Variants in TAF2 observed in about 807,000 individuals in gnomAD.
The protein encoded by TAF2 is TATA-box binding protein associated factor 2.
TAF2 carries 61 observed loss-of-function variants against 138.5 expected under a neutral mutation model. The ratio of observed to expected loss-of-function variants is 0.44; its 90% CI spans 0.36 to 0.54. The LOEUF is 0.54. TAF2 is among the 20% of genes least tolerant of loss of function. The probability of loss-of-function intolerance (pLI) is 0.00; values close to 1 mark genes in which losing one functional copy is unlikely to be tolerated. For missense variants in TAF2, 1,090 were observed against 1,427.9 expected, an observed-to-expected ratio of 0.76 and a Z score of 3.81; for synonymous variants, 475 against 469.9, an observed-to-expected ratio of 1.01 and a Z score of -0.14.
At chr8:119,809,016 A>T (rs1426107892) in intron 3 of TAF2, among the ~76,000 whole-genome samples, 1 of 152,240 alleles carries the variant, frequency 6.6e-6, no homozygotes, top group Non-Finnish European at 1.5e-5. Flanking sequence ...CTAATAAAAG[A>T]GTCAGCCCGT....
chr8:119,792,408 C>A (rs1009751575), intron 10 of TAF2, among the ~76,000 whole-genome samples: 1 of 152,094 alleles, frequency 6.6e-6, no homozygotes, highest in Non-Finnish European at 1.5e-5. Context: ...TGCCCAGCGT[C>A]CCAAAGTGCT....
In TAF2 at chr8:119,795,518, C is replaced by T; in HGVS notation, c.1191+14G>A. On this transcript the variant is annotated intron_variant, in intron 9 of 25. Transcript: ENST00000378164. ...TAAGACTTGTAAGTGGATAAGGGAT[C>T]TAGCTGTTATTACCTCTTTAATCCA... 6.3e-7 allele frequency: 1 copy of T among 1,599,774 alleles called. No individual in the cohort carries two copies. Among genetic ancestry groups the T allele is most frequent in the East Asian group, 2.2e-5 (1 of 44,690 alleles).
At chr8:119,785,126 T>C (rs1822927636) in intron 15 of TAF2, 75 bp downstream of exon 15, 1 of 1,183,798 alleles carries the variant, frequency 8.4e-7, no homozygotes, top group Admixed American at 1.7e-5. Flanking sequence ...TATACACTTT[T>C]ACGTACGCAT....
At chr8:119,807,219 GC>G (rs1824721666) in intron 3 of TAF2, among the ~76,000 whole-genome samples, 1 of 152,168 alleles carries the variant, frequency 6.6e-6, no homozygotes, top group African/African-American at 2.4e-5. Context: ...AGAATTTTCA[GC>G]AGGCTCACCG....
intron 2 of TAF2, among the ~76,000 whole-genome samples, chr8:119,826,641 A>C (rs939595427): frequency 1.1e-4 from 16 of 150,532 alleles, no homozygotes; most frequent in African/African-American, 3.2e-4. Flanking sequence ...TCCAGGCTGG[A>C]GTGCAGCAGT....
At position 119,801,887 on chromosome 8, in the gene TAF2, A is replaced by T; in HGVS notation, c.699T>A (p.Thr233=). Residue 233 remains threonine (T), a synonymous_variant, in exon 6 of 26, where the codon ACT becomes ACA. Transcript: ENST00000378164. ...TVYTHDMRKK[T]FHYMLTIPTA... The stretch of plus-strand genomic sequence containing the variant: ...TAGGAATGGTAAGCATATAATGGAA[A>T]GTTTTCTTCCTCATATCATGAGTAT... 6.2e-7 allele frequency: 1 copy of T among 1,614,204 alleles called. No homozygotes were observed. The highest frequency in any genetic ancestry group is 8.5e-7 in the Non-Finnish European group (1 of 1,180,030).
At chr8:119,791,258 C>T (rs1369163944) in intron 11 of TAF2, 66 bp downstream of exon 11, 7 of 1,576,578 alleles carry the variant, frequency 4.4e-6, no homozygotes, top group Non-Finnish European at 6.1e-6. Flanking sequence ...TCTACAGAAA[C>T]ATACTCAGAT....
chr8:119,785,840 T>C (rs1822974496), intron 14 of TAF2, among the ~76,000 whole-genome samples: 1 of 152,280 alleles, frequency 6.6e-6, no homozygotes, highest in East Asian at 1.9e-4. Context: ...GTGTTCCTCA[T>C]ACCAAAGAAT....
chr8:119,787,384 A>G (rs1823093008), intron 14 of TAF2, among the ~76,000 whole-genome samples: 1 of 151,666 alleles, frequency 6.6e-6, no homozygotes, highest in South Asian at 2.1e-4. Flanking sequence ...AAAAACAAAA[A>G]CAAACAAACA....
At chr8:119,790,700 T>C (rs554867889) in intron 11 of TAF2, among the ~76,000 whole-genome samples, 1 of 152,340 alleles carries the variant, frequency 6.6e-6, no homozygotes, top group South Asian at 2.1e-4. Context: ...TGGTTTACGT[T>C]TTTCTATTGA....
rs190496462 is a variant in TAF2, at chr8:119,787,545, T to C, written c.1793+793A>G. Among the ~76,000 whole-genome samples the C allele has an allele frequency of 2.6e-5, 4 of 152,216 alleles. No individual in the cohort carries two copies. In the East Asian group the frequency reaches 7.7e-4, roughly 29 times the overall value. On this transcript the variant is annotated intron_variant, in intron 14 of 25. Coordinates refer to ENST00000378164, the MANE Select transcript of TAF2 (RefSeq NM_003184.4). ...AAATCAAAACCACAATGAGATACCATCTCACGCCAGTTAGAACAGCAATCA... is the reference window on the plus strand; with the variant it reads ...AAATCAAAACCACAATGAGATACCACCTCACGCCAGTTAGAACAGCAATCA...
chr8:119,776,335 A>G lies in TAF2; in HGVS notation c.2364+1684T>C, dbSNP rs1201562563. Among the ~76,000 whole-genome samples, 4 of 147,716 alleles carry G rather than the reference A, an allele frequency of 2.7e-5. No homozygotes were observed. The East Asian group carries it at 7.8e-4, about 29-fold the overall frequency. On this transcript the variant is annotated intron_variant, in intron 18 of 25. Transcript: ENST00000378164. ...TTCATTAAAAAGTCATCTTTTAATAAACATGCCTGTGCTTTTTTTTTTTTT... is the reference window on the plus strand; with the variant it reads ...TTCATTAAAAAGTCATCTTTTAATAGACATGCCTGTGCTTTTTTTTTTTTT...
At chr8:119,740,635 A>C (rs1335011218) in intron 25 of TAF2, among the ~76,000 whole-genome samples, 1 of 147,206 alleles carries the variant, frequency 6.8e-6, no homozygotes, top group Non-Finnish European at 1.5e-5. Flanking sequence ...ACTGCACTCC[A>C]GCCTGGATGA....
At chr8:119,757,467 T>C (rs1156786912) in intron 21 of TAF2, among the ~76,000 whole-genome samples, 1 of 152,216 alleles carries the variant, frequency 6.6e-6, no homozygotes, top group Admixed American at 6.5e-5. Context: ...GAGTTTGTTC[T>C]TTAGTGCATT....
chr8:119,760,178 C>A lies in TAF2; in HGVS notation c.2698+421G>T, dbSNP rs756537750. ...ATTCTTCCCTTAGCGACTTTTTTGG[C>A]CTTATGTTTTTTCTATATTCATGAT... is the stretch of plus-strand genomic sequence containing the variant. On this transcript the variant is annotated intron_variant, in intron 20 of 25. Coordinates refer to ENST00000378164, the MANE Select transcript of TAF2 (RefSeq NM_003184.4). 1.7e-4 allele frequency among the ~76,000 whole-genome samples: 26 copies of A among 152,106 alleles called. No individual in the cohort carries two copies. The South Asian group carries it at 3.5e-3, about 21-fold the overall frequency.
Position 119,754,459 on chromosome 8 carries a change from C to T in TAF2, c.2878+1547G>A, listed in dbSNP as rs577297126. On this transcript the variant is annotated intron_variant, in intron 22 of 25. Coordinates refer to ENST00000378164, the MANE Select transcript of TAF2 (RefSeq NM_003184.4). ...CCAGCATTTTGGGAAGATGAGGCGGCGGATCACAAGGTCAGGAGTTCAAGA... is the reference window on the plus strand; with the variant it reads ...CCAGCATTTTGGGAAGATGAGGCGGTGGATCACAAGGTCAGGAGTTCAAGA... Among the ~76,000 whole-genome samples, 193 of 152,096 alleles carry T rather than the reference C, an allele frequency of 1.3e-3. 1 individual carries two copies. Among genetic ancestry groups the T allele is most frequent in the African/African-American group, 4.5e-3 (185 of 41,494 alleles).
intron 18 of TAF2, among the ~76,000 whole-genome samples, chr8:119,768,847 G>A (rs139064172): frequency 1.3e-5 from 2 of 152,314 alleles, no homozygotes; most frequent in Admixed American, 6.5e-5. Context: ...AGGAGTTCCA[G>A]CGTGAAACCA....
At chr8:119,813,526 A>AAATAGG (rs1825241153) in intron 3 of TAF2, among the ~76,000 whole-genome samples, 1 of 152,250 alleles carries the variant, frequency 6.6e-6, no homozygotes. Context: ...TGATTAGTCC[A>AAATAGG]AATAGGAAGA....
intron 3 of TAF2, among the ~76,000 whole-genome samples, chr8:119,814,479 T>C (rs1339257843): frequency 6.6e-6 from 1 of 152,014 alleles, no homozygotes; most frequent in Non-Finnish European, 1.5e-5. Context: ...AAAATCATTA[T>C]AACTGGATAA....
Sources: allele counts gnomAD v4.1 joint callset (sites outside exome capture counted in the v4.1 genomes callset), GRCh38; gene constraint gnomAD v4.1.1; transcripts MANE v1.5; gene names NCBI Gene and HGNC (gene_info 2026-07-23, HGNC 2026-07-21).